BRWD1: variants seen among roughly 807,000 people sequenced by gnomAD.
The protein encoded by BRWD1 is bromodomain and WD repeat-containing protein 1.
In BRWD1, 82 loss-of-function variants were observed where a neutral mutation model predicts 251.2. The ratio of observed to expected loss-of-function variants is 0.33; its 90% CI spans 0.27 to 0.39. The LOEUF is 0.39. Among genes scored for constraint, BRWD1 ranks in the 10% least tolerant of loss-of-function variants. The probability of loss-of-function intolerance (pLI) is 1.00; values close to 1 mark genes in which losing one functional copy is unlikely to be tolerated. For synonymous variants in BRWD1, 918 were observed against 902.8 expected (o/e 1.02, Z -0.30); for missense variants, 2,233 against 2,711.6 (o/e 0.82, Z 3.92).
At chr21:39,204,295 T>C (rs551680463) in intron 37 of BRWD1, among the ~76,000 whole-genome samples, 1 of 151,390 alleles carries the variant, frequency 6.6e-6, no homozygotes, top group Non-Finnish European at 1.5e-5. Context: ...TAGATTGAGA[T>C]GCATAGTGTA....
rs1053281820 is a variant in BRWD1, at chr21:39,187,852, T to C, written c.*8407A>G. 1.0e-6 allele frequency: 1 copy of C among 984,032 alleles called. No individual in the cohort carries two copies. Among genetic ancestry groups the C allele is most frequent in the Non-Finnish European group, 1.2e-6 (1 of 829,228 alleles). The allele number at this position is 984,032 out of a possible 1,614,324, so 61.0% of individuals were successfully genotyped here. The stretch of plus-strand genomic sequence containing the variant: ...CTTTAAGGAACCAAAAAGTGCAGAG[T>C]GCTATGAGAACACAGACTGGAAACC... On this transcript the variant is annotated 3_prime_UTR_variant, in exon 41 of 41. Transcript: ENST00000342449.
In BRWD1 at chr21:39,188,657, C is replaced by A; in HGVS notation, c.*7602G>T. On this transcript the variant is annotated 3_prime_UTR_variant, in exon 41 of 41. Coordinates refer to ENST00000342449, the MANE Select transcript of BRWD1 (RefSeq NM_033656.4). ...GCTAGACTAATGAGGCAGGCCTCTG[C>A]CCTCACAGTGCAAGCACTTCAGATT... The A allele has an allele frequency of 2.0e-6, 2 of 985,378 alleles. No homozygotes were observed. The highest frequency in any genetic ancestry group is 2.4e-6 in the Non-Finnish European group (2 of 829,906). The allele number at this position is 985,378 out of a possible 1,614,324, so 61.0% of individuals were successfully genotyped here. A position where few individuals can be genotyped will look rare whatever the true frequency, so the allele number is the denominator to read the frequency against.
At chr21:39,218,734 A>G (rs2033054430) in intron 29 of BRWD1, 74 bp from the exon 30 acceptor site, 28 of 1,221,276 alleles carry the variant, frequency 2.3e-5, no homozygotes, top group Non-Finnish European at 3.0e-5. Context: ...TTAAAATTCA[A>G]TTTTCATAGC....
At chr21:39,184,637 T>TA (rs2031106583), downstream of BRWD1, 1 of 152,194 alleles carries the variant, frequency 6.6e-6, no homozygotes, top group South Asian at 2.1e-4. Context: ...TGTGGAAAGA[T>TA]AATCAACAAA....
chr21:39,314,105 G>A (rs1412933042), upstream of BRWD1: 1 of 455,900 alleles, frequency 2.2e-6, no homozygotes, highest in African/African-American at 2.0e-5. Flanking sequence ...GGTCGTCTGG[G>A]GCCAGTGCGT....
At chr21:39,216,396 T>C (rs1031023641) in intron 31 of BRWD1, among the ~76,000 whole-genome samples, 92 of 152,140 alleles carry the variant, frequency 6.0e-4, no homozygotes, top group African/African-American at 2.1e-3. Flanking sequence ...TAACAAAATT[T>C]CTAAGAAAAA....
chr21:39,294,620 A>T (rs2035903784), intron 7 of BRWD1, among the ~76,000 whole-genome samples: 1 of 149,596 alleles, frequency 6.7e-6, no homozygotes. Flanking sequence ...GCGCCACTGC[A>T]CTCCAGCCTA....
At chr21:39,234,480 C>G (rs2033738185) in intron 23 of BRWD1, among the ~76,000 whole-genome samples, 1 of 152,136 alleles carries the variant, frequency 6.6e-6, no homozygotes. Context: ...TAAAGATAAC[C>G]TATATTCGAG....
chr21:39,207,896 G>A (rs2032481592), intron 36 of BRWD1, among the ~76,000 whole-genome samples: 1 of 152,016 alleles, frequency 6.6e-6, no homozygotes, highest in Admixed American at 6.6e-5. Context: ...TAAATAAGCT[G>A]GACACAAAGG....
At chr21:39,261,142 T>C (rs2034730483) in intron 17 of BRWD1, among the ~76,000 whole-genome samples, 1 of 152,088 alleles carries the variant, frequency 6.6e-6, no homozygotes, top group South Asian at 2.1e-4. Context: ...GGGAAACTGC[T>C]TGAACCCCAG....
intron 7 of BRWD1, among the ~76,000 whole-genome samples, chr21:39,294,855 T>C (rs533890880): frequency 2.0e-5 from 3 of 152,244 alleles, no homozygotes; most frequent in East Asian, 1.9e-4. Flanking sequence ...CAAGAAACAT[T>C]TGATTATCTA....
intron 8 of BRWD1, among the ~76,000 whole-genome samples, chr21:39,286,383 T>A (rs1254352226): frequency 6.6e-6 from 1 of 152,054 alleles, no homozygotes; most frequent in Non-Finnish European, 1.5e-5. Flanking sequence ...TGTGCAGCCA[T>A]CGCCACTACC....
At chr21:39,252,442 C>CA (rs1183648955) in intron 19 of BRWD1, among the ~76,000 whole-genome samples, 1 of 152,060 alleles carries the variant, frequency 6.6e-6, no homozygotes, top group African/African-American at 2.4e-5. Flanking sequence ...ACATTGGACA[C>CA]AAACTTTTAT....
chr21:39,229,383 T>C lies in BRWD1; in HGVS notation c.3054A>G (p.Thr1018=), dbSNP rs774573914. 11 of 1,610,038 alleles carry C rather than the reference T, an allele frequency of 6.8e-6. No homozygotes were observed. The highest frequency in any genetic ancestry group is 2.7e-5 in the African/African-American group (2 of 74,814). Residue 1018 remains threonine, a synonymous_variant, in exon 26 of 41, where the codon ACA becomes ACG. Coordinates refer to ENST00000342449, the MANE Select transcript of BRWD1 (RefSeq NM_033656.4). ...TAAATGCTAGTTTTAGGCAACAGAG[T>C]GTAGGGGGCCCAACTTCATATCGTA... ...VGIRYEVGPP[T]LCCLKLAFID...
rs566288861 is a variant in BRWD1, at chr21:39,236,220, T to C, written c.2766+375A>G. ...CCAGTCCTGCAAAGGACTCCGCATC[T>C]GTGAAGCAAAGGCCTCCCCCATAAG... On this transcript the variant is annotated intron_variant, in intron 23 of 40. Coordinates refer to ENST00000342449, the MANE Select transcript of BRWD1 (RefSeq NM_033656.4). 4.6e-5 allele frequency among the ~76,000 whole-genome samples: 7 copies of C among 152,306 alleles called. No individual in the cohort carries two copies. The East Asian group carries it at 1.4e-3, about 29-fold the overall frequency.
rs567804340 is a variant in BRWD1 at position 39,294,611 on chromosome 21, C to T, written c.610-579G>A. Among the ~76,000 whole-genome samples the T allele has an allele frequency of 1.7e-4, 26 of 149,982 alleles. 1 individual carries two copies. The highest frequency in any genetic ancestry group is 1.9e-4 in the East Asian group (1 of 5,138). The stretch of plus-strand genomic sequence containing the variant: ...CAGAGCTTGCAGTGAGCGGAGATTG[C>T]GCCACTGCACTCCAGCCTAGGTGAC... On this transcript the variant is annotated intron_variant, in intron 7 of 40. Transcript: ENST00000342449.
chr21:39,231,098 TAA>T (rs200330602), intron 25 of BRWD1, among the ~76,000 whole-genome samples: 1,651 of 152,300 alleles, frequency 0.011, 19 homozygotes, highest in African/African-American at 0.037. Flanking sequence ...AAGTTGAATA[TAA>T]GTGTTAAAAA....
chr21:39,212,634 A>C (rs762361815), intron 34 of BRWD1, 32 bp downstream of exon 34: 1 of 1,494,656 alleles, frequency 6.7e-7, no homozygotes, highest in South Asian at 1.2e-5. Context: ...AGAAAAAGAA[A>C]CTACAAAAGT....
At chr21:39,314,094 C>G (rs35994303), upstream of BRWD1, 21 of 455,700 alleles carry the variant, frequency 4.6e-5, no homozygotes, top group Admixed American at 9.4e-5. Context: ...TTTCACGGAC[C>G]GGTCGTCTGG....
Sources: allele counts gnomAD v4.1 joint callset (sites outside exome capture counted in the v4.1 genomes callset), GRCh38; gene constraint gnomAD v4.1.1; transcripts MANE v1.5; gene names NCBI Gene and HGNC (gene_info 2026-07-23, HGNC 2026-07-21).